PRC1: variants seen among roughly 807,000 people sequenced by gnomAD.
The protein encoded by PRC1 is anaphase spindle elongation 1 homolog.
In PRC1, 54 loss-of-function variants were observed where a neutral mutation model predicts 91.2. That is an observed-to-expected ratio of 0.59 (90% CI 0.48 to 0.74). PRC1 has a LOEUF of 0.74. Among genes scored for constraint, PRC1 ranks in the 30% least tolerant of loss-of-function variants. PRC1 has a pLI of 0.00. For missense variants in PRC1, 727 were observed against 746.2 expected (o/e 0.97, Z 0.30); for synonymous variants, 275 against 263.6 (o/e 1.04, Z -0.42).
At chr15:90,993,987 C>A (rs990630980) in intron 1 of PRC1, among the ~76,000 whole-genome samples, 1 of 152,210 alleles carries the variant, frequency 6.6e-6, no homozygotes, top group African/African-American at 2.4e-5. Context: ...AGAAAAGCCA[C>A]GACCACAGAA....
Position 90,969,060 on chromosome 15 carries a change from C to T in PRC1, c.1791+19G>A. 6.2e-7 allele frequency: 1 copy of T among 1,613,992 alleles called. No individual in the cohort carries two copies. The highest frequency in any genetic ancestry group is 1.7e-5 in the Admixed American group (1 of 60,014). ...CAGATCAGTTTGGAAAAGGGACATGCAGGGATTGCCATACAGACCTGAAGC... is the reference window on the plus strand; with the variant it reads ...CAGATCAGTTTGGAAAAGGGACATGTAGGGATTGCCATACAGACCTGAAGC... On this transcript the variant is annotated intron_variant, in intron 14 of 14. Coordinates refer to ENST00000394249, the MANE Select transcript of PRC1 (RefSeq NM_003981.4).
intron 1 of PRC1, chr15:90,985,891 T>C (rs2039542071): frequency 6.6e-6 from 1 of 151,852 alleles, no homozygotes; most frequent in Non-Finnish European, 1.5e-5. Context: ...TTTCACTACG[T>C]TGGCCACGCT....
At chr15:90,982,065 T>C in intron 3 of PRC1, 84 bp from the exon 4 acceptor site, 2 of 1,254,962 alleles carry the variant, frequency 1.6e-6, no homozygotes, top group East Asian at 2.3e-5. Context: ...AAGGCGTGGA[T>C]GACAGACTTT....
At position 90,966,492 on chromosome 15, in the gene PRC1, G is replaced by A. The variant is rs142832055; in HGVS notation, c.*639C>T. On this transcript the variant is annotated 3_prime_UTR_variant, in exon 15 of 15. Transcript: ENST00000394249. ...AGAAAGCGTTCCGACAAGCATGTGT[G>A]TTCATACATGCATACCCCCAACAAA... 5 of 440,168 alleles carry A rather than the reference G, an allele frequency of 1.1e-5. No individual in the cohort carries two copies. Among genetic ancestry groups the A allele is most frequent in the African/African-American group, 1.0e-4 (5 of 49,734 alleles). The allele number at this position is 440,168 out of a possible 1,614,324, so 27.3% of individuals were successfully genotyped here.
At chr15:90,967,802 T>G in intron 14 of PRC1, 3 of 974,658 alleles carry the variant, frequency 3.1e-6, no homozygotes, top group Non-Finnish European at 3.7e-6. Context: ...CCCCACATTC[T>G]CAGAACATAT....
In PRC1 at chr15:90,994,449, T is replaced by C; in HGVS notation, c.-32A>G. ...CGCTCCAAGCAGCCGTGAGTCCAGG[T>C]CCAGACCTACTCCACACGGCCCCGA... On this transcript the variant is annotated 5_prime_UTR_variant, in exon 1 of 15. Coordinates refer to ENST00000394249, the MANE Select transcript of PRC1 (RefSeq NM_003981.4). The C allele has an allele frequency of 6.2e-7, 1 of 1,607,170 alleles. No homozygotes were observed. Among genetic ancestry groups the C allele is most frequent in the Non-Finnish European group, 8.5e-7 (1 of 1,176,536 alleles).
chr15:90,974,684 ATGTTCC>A lies in PRC1; in HGVS notation c.1245_1250del (p.Gln415_Glu416del). On this transcript the variant is annotated inframe_deletion, in exon 10 of 15. Coordinates refer to ENST00000394249, the MANE Select transcript of PRC1 (RefSeq NM_003981.4). The surrounding 1 kb of genome is among the most constrained non-coding windows in gnomAD (Gnocchi z 4.6). ...GCCCATTCACCATAAATGCCTTTGA[ATGTTCC>A]TGTTCCCACAATTCAATTCGTGCCT... is the stretch of plus-strand genomic sequence containing the variant. 6.2e-7 allele frequency: 1 copy of A among 1,614,192 alleles called. No homozygotes were observed. The highest frequency in any genetic ancestry group is 8.5e-7 in the Non-Finnish European group (1 of 1,180,036).
At chr15:90,971,424 C>T (rs899151999) in intron 11 of PRC1, among the ~76,000 whole-genome samples, 7 of 151,996 alleles carry the variant, frequency 4.6e-5, no homozygotes, top group Middle Eastern at 3.2e-3. Context: ...TAGCTGGGAC[C>T]ACAGGCGTGT....
intron 13 of PRC1, among the ~76,000 whole-genome samples, 159 bp from the exon 14 acceptor site, chr15:90,969,279 A>G (rs1596272663): frequency 1.3e-5 from 2 of 151,268 alleles, no homozygotes; most frequent in South Asian, 4.2e-4. Context: ...TTCCTACACA[A>G]CCCCCCCTTA....
chr15:90,968,943 G>A (rs2037796431), intron 14 of PRC1, 136 bp downstream of exon 14: 7 of 1,496,770 alleles, frequency 4.7e-6, no homozygotes, highest in Non-Finnish European at 5.4e-6. Context: ...GTTTTTTTGA[G>A]TCCATGATAG....
In PRC1 at chr15:90,966,399, G is replaced by A. The variant is rs146359955; in HGVS notation, c.*732C>T. On this transcript the variant is annotated 3_prime_UTR_variant, in exon 15 of 15. Transcript: ENST00000394249. Reference sequence around the variant, plus strand: ...GACTCCCAATGTGGCTGGCAACTGCGGGGGTAGAAGAACTCAGGCAAAGTA... The same window carrying A: ...GACTCCCAATGTGGCTGGCAACTGCAGGGGTAGAAGAACTCAGGCAAAGTA... 2.1e-5 allele frequency: 7 copies of A among 339,838 alleles called. No homozygotes were observed. In the East Asian group the frequency reaches 4.9e-4, roughly 24 times the overall value. The allele number at this position is 339,838 out of a possible 1,614,324, so 21.1% of individuals were successfully genotyped here.
At chr15:90,993,111 T>A (rs1268304555) in intron 1 of PRC1, among the ~76,000 whole-genome samples, 8 of 142,362 alleles carry the variant, frequency 5.6e-5, no homozygotes, top group Non-Finnish European at 1.2e-4. Flanking sequence ...GTTAATTATA[T>A]CCATTAGCCT....
intron 14 of PRC1, 132 bp from the exon 15 acceptor site, chr15:90,967,334 C>T: frequency 1.4e-6 from 1 of 707,578 alleles, no homozygotes; most frequent in Non-Finnish European, 2.5e-6. Flanking sequence ...CTGCAATAGG[C>T]TGCGTTAGGA....
intron 1 of PRC1, chr15:90,987,659 C>T (rs2039681956): frequency 6.6e-6 from 1 of 152,200 alleles, no homozygotes; most frequent in Non-Finnish European, 1.5e-5. Context: ...ACTGCCCTGG[C>T]ACCAGAGAAA....
At chr15:90,968,683 C>T (rs1045438703) in intron 14 of PRC1, 3 of 1,037,490 alleles carry the variant, frequency 2.9e-6, no homozygotes, top group East Asian at 1.6e-4. Context: ...AAGGCATATA[C>T]TCCAGGAAAT....
chr15:90,992,036 C>T (rs937786163), intron 1 of PRC1, among the ~76,000 whole-genome samples: 2 of 152,296 alleles, frequency 1.3e-5, no homozygotes, highest in Admixed American at 6.5e-5. Context: ...ACATACCAGG[C>T]GCTATCTCCC....
intron 14 of PRC1, chr15:90,968,110 A>G: frequency 1.0e-6 from 1 of 985,402 alleles, no homozygotes; most frequent in Non-Finnish European, 1.2e-6. Context: ...ATAGCAACCC[A>G]AACCAGACGA....
At chr15:90,981,305 T>G (rs1248088198) in intron 5 of PRC1, 194 bp downstream of exon 5, 1 of 706,974 alleles carries the variant, frequency 1.4e-6, no homozygotes, top group South Asian at 2.2e-5. Flanking sequence ...AATTTCATTT[T>G]CTTGGAGCCA....
At chr15:90,968,027 G>A (rs2037682029) in intron 14 of PRC1, 1 of 984,974 alleles carries the variant, frequency 1.0e-6, no homozygotes, top group Non-Finnish European at 1.2e-6. Flanking sequence ...AGCATGAATG[G>A]CTATTGAGAA....
Sources: allele counts gnomAD v4.1 joint callset (sites outside exome capture counted in the v4.1 genomes callset), GRCh38; gene constraint gnomAD v4.1.1; non-coding constraint Gnocchi (gnomAD v3.1); transcripts MANE v1.5; gene names NCBI Gene and HGNC (gene_info 2026-07-23, HGNC 2026-07-21).